RSPH14: variants seen among roughly 807,000 people sequenced by gnomAD.
RSPH14 encodes radial spoke head 14 homolog.
RSPH14 carries 20 observed loss-of-function variants against 26.7 expected under a neutral mutation model. The ratio of observed to expected loss-of-function variants is 0.75; its 90% CI spans 0.53 to 1.09. The LOEUF is 1.09. Among genes scored for constraint, RSPH14 ranks in the 50% least tolerant of loss-of-function variants. RSPH14 has a pLI of 0.00. For missense variants in RSPH14, 449 were observed against 457.2 expected, an observed-to-expected ratio of 0.98 and a Z score of 0.16; for synonymous variants, 177 against 189.3, an observed-to-expected ratio of 0.93 and a Z score of 0.53.
intron 4 of RSPH14, among the ~76,000 whole-genome samples, chr22:23,120,296 C>T (rs991348746): frequency 2.6e-5 from 4 of 152,116 alleles, no homozygotes; most frequent in Non-Finnish European, 4.4e-5. Flanking sequence ...CCAGGACTCA[C>T]GGGGGCCACA....
At chr22:23,120,915 C>G (rs886965853) in intron 4 of RSPH14, among the ~76,000 whole-genome samples, 3 of 152,182 alleles carry the variant, frequency 2.0e-5, no homozygotes, top group African/African-American at 7.2e-5. Flanking sequence ...TTAACTGATG[C>G]AAAATTTGGG....
intron 4 of RSPH14, among the ~76,000 whole-genome samples, chr22:23,064,420 C>T (rs1363218282): frequency 1.3e-5 from 2 of 152,124 alleles, no homozygotes; most frequent in Non-Finnish European, 2.9e-5. Context: ...CCATAGCAAG[C>T]GCACAGCAGC....
chr22:23,091,756 C>T (rs1037129335), intron 4 of RSPH14, among the ~76,000 whole-genome samples: 1 of 152,264 alleles, frequency 6.6e-6, no homozygotes, highest in African/African-American at 2.4e-5. Context: ...CAGGTACACA[C>T]ATGGCTTAAA....
chr22:23,152,351 G>C, the RSPH14 span: 1 of 1,125,230 alleles, frequency 8.9e-7, no homozygotes, highest in Non-Finnish European at 1.3e-6. Flanking sequence ...CCTGTGTCCA[G>C]GAGTGAGGGG....
upstream of RSPH14, among the ~76,000 whole-genome samples, chr22:23,147,572 A>G (rs1037924717): frequency 1.3e-5 from 2 of 151,970 alleles, no homozygotes; most frequent in Non-Finnish European, 2.9e-5. Flanking sequence ...GCCTCAAGCA[A>G]TCCTCCCACC....
At chr22:23,107,987 T>C (rs985123844) in intron 4 of RSPH14, among the ~76,000 whole-genome samples, 2 of 152,092 alleles carry the variant, frequency 1.3e-5, no homozygotes, top group African/African-American at 4.8e-5. Context: ...CTCCTATAGG[T>C]GCCCATCACC....
chr22:23,169,764 C>A, the RSPH14 span, among the ~76,000 whole-genome samples: 9 of 152,114 alleles, frequency 5.9e-5, no homozygotes, highest in East Asian at 1.5e-3. Context: ...CCCTCATGAG[C>A]AGAGCCATTG....
chr22:23,151,640 A>G, the RSPH14 span, among the ~76,000 whole-genome samples: 1 of 152,182 alleles, frequency 6.6e-6, no homozygotes, highest in African/African-American at 2.4e-5. Context: ...CCAGTTACTC[A>G]GGAGGCTGAG....
chr22:23,103,776 G>A (rs1390961409), intron 4 of RSPH14, among the ~76,000 whole-genome samples: 1 of 152,178 alleles, frequency 6.6e-6, no homozygotes, highest in Non-Finnish European at 1.5e-5. Flanking sequence ...TCAGTCTAGG[G>A]ACAGAGGCAG....
intron 4 of RSPH14, among the ~76,000 whole-genome samples, chr22:23,083,608 G>A (rs1045333408): frequency 5.3e-5 from 8 of 152,114 alleles, no homozygotes; most frequent in Admixed American, 2.0e-4. Flanking sequence ...ACCAACCTGC[G>A]GTGGGTACCC....
intron 5 of RSPH14, among the ~76,000 whole-genome samples, chr22:23,063,041 G>A (rs1015639781): frequency 2.6e-5 from 4 of 152,204 alleles, no homozygotes; most frequent in Admixed American, 1.3e-4. Flanking sequence ...AGTGGACATG[G>A]GAGGACAGGG....
At position 23,063,944 on chromosome 22, in the gene RSPH14, T is replaced by C. The variant is rs918033478; in HGVS notation, c.611A>G (p.Gln204Arg). ...VLKQKLLSAN[Q>R]NIRSKAARAL... Reference sequence around the variant, plus strand: ...ACGGGCGGCCTTGCTGCGGATGTTCTGGTTGGCGCTGAGGAGCTTCTGCTT... The same window carrying C: ...ACGGGCGGCCTTGCTGCGGATGTTCCGGTTGGCGCTGAGGAGCTTCTGCTT... The change falls in exon 5 of 7, where the codon CAG becomes CGG. Residue 204 changes from glutamine to arginine, a missense_variant. Physicochemically the swap from Gln to Arg is conservative, Grantham distance 43. Coordinates refer to ENST00000216036, the MANE Select transcript of RSPH14 (RefSeq NM_014433.3). 1 of 1,614,074 alleles carries C rather than the reference T, an allele frequency of 6.2e-7. No homozygotes were observed. Among genetic ancestry groups the C allele is most frequent in the East Asian group, 2.2e-5 (1 of 44,896 alleles).
chr22:23,173,327 G>A, the RSPH14 span, among the ~76,000 whole-genome samples: 1 of 152,004 alleles, frequency 6.6e-6, no homozygotes, highest in Non-Finnish European at 1.5e-5. Context: ...GCAGAGATGG[G>A]GTTTCAACAT....
intron 4 of RSPH14, among the ~76,000 whole-genome samples, chr22:23,108,814 A>G (rs2146354613): frequency 6.6e-6 from 1 of 152,356 alleles, no homozygotes; most frequent in South Asian, 2.1e-4. Flanking sequence ...AAGTGTTAGC[A>G]TCCTCTGCCT....
intron 4 of RSPH14, among the ~76,000 whole-genome samples, chr22:23,111,515 T>C (rs537193926): frequency 3.4e-4 from 52 of 152,142 alleles, no homozygotes; most frequent in Non-Finnish European, 6.3e-4. Context: ...GCCAGAGAGG[T>C]GAGGCTCAGG....
chr22:23,152,626 G>T, the RSPH14 span: 1 of 1,188,702 alleles, frequency 8.4e-7, no homozygotes. Flanking sequence ...CAGAAATCAT[G>T]TGGCTTCCAG....
intron 4 of RSPH14, among the ~76,000 whole-genome samples, chr22:23,109,079 G>C (rs371347366): frequency 3.9e-5 from 6 of 152,198 alleles, no homozygotes; most frequent in East Asian, 1.9e-4. Flanking sequence ...ATGAGGCCTG[G>C]ACAGTGCCTG....
At chr22:23,157,832 G>T in the RSPH14 span, among the ~76,000 whole-genome samples, 1 of 152,234 alleles carries the variant, frequency 6.6e-6, no homozygotes, top group African/African-American at 2.4e-5. Context: ...GACAGCCATG[G>T]GGTGTTTCCT....
upstream of RSPH14, chr22:23,146,776 T>G: frequency 6.6e-7 from 1 of 1,522,248 alleles, no homozygotes; most frequent in Admixed American, 2.0e-5. Flanking sequence ...GTAAAGCAGG[T>G]GAATCAAGGA....
Sources: allele counts gnomAD v4.1 joint callset (sites outside exome capture counted in the v4.1 genomes callset), GRCh38; gene constraint gnomAD v4.1.1; transcripts MANE v1.5; gene names NCBI Gene and HGNC (gene_info 2026-07-23, HGNC 2026-07-21).